The following NCOR1 variants were observed in gnomAD, a reference collection of about 807,000 sequenced individuals.
The protein encoded by NCOR1 is nuclear receptor corepressor 1, also known as protein phosphatase 1, regulatory subunit 109.
A neutral mutation model predicts 288.1 loss-of-function variants in NCOR1; 63 were observed. That is an observed-to-expected ratio of 0.22 (90% CI 0.18 to 0.27). NCOR1 has a LOEUF of 0.27. Among genes scored for constraint, NCOR1 ranks in the 10% least tolerant of loss-of-function variants. The pLI, the probability that NCOR1 is intolerant of heterozygous loss-of-function variation, is 1.00. For missense variants in NCOR1, 2,397 were observed against 3,019.2 expected (o/e 0.79, Z 4.83); for synonymous variants, 1,007 against 1,065.9 (o/e 0.94, Z 1.08).
At chr17:16,089,931 G>A (rs1220416079) in intron 22 of NCOR1, among the ~76,000 whole-genome samples, 1 of 152,114 alleles carries the variant, frequency 6.6e-6, no homozygotes, top group Non-Finnish European at 1.5e-5. Context: ...CTACTTTGTA[G>A]AGCATCACCT....
chr17:16,179,945 G>A (rs1184319794), intron 3 of NCOR1, among the ~76,000 whole-genome samples: 12 of 127,186 alleles, frequency 9.4e-5, no homozygotes, highest in East Asian at 2.3e-4. Flanking sequence ...GCAACAGAGC[G>A]AGACTCTGTC....
intron 35 of NCOR1, 104 bp from the exon 36 acceptor site, chr17:16,062,374 A>AAAATACCT: frequency 8.9e-7 from 1 of 1,120,810 alleles, no homozygotes; most frequent in Non-Finnish European, 1.2e-6. Context: ...ACCTAAATAG[A>AAAATACCT]AAAAAGAAAA....
intron 44 of NCOR1, among the ~76,000 whole-genome samples, chr17:16,038,005 C>T (rs926622237): frequency 3.3e-5 from 5 of 152,164 alleles, no homozygotes; most frequent in African/African-American, 1.2e-4. Flanking sequence ...AACACACACA[C>T]TTAAAGCCAA....
chr17:16,044,168 C>CA (rs34691717), intron 42 of NCOR1, among the ~76,000 whole-genome samples: 40,221 of 82,508 alleles, frequency 0.49, 8,553 homozygotes, highest in Middle Eastern at 0.62. Context: ...GACTCCATCT[C>CA]AAAAAAAAAA....
At chr17:16,038,502 T>C (rs182971380) in intron 44 of NCOR1, among the ~76,000 whole-genome samples, 14 of 152,156 alleles carry the variant, frequency 9.2e-5, no homozygotes, top group South Asian at 2.1e-4. Flanking sequence ...AGTGGTGCAA[T>C]TGCAGCTCAC....
chr17:16,073,516 T>A lies in NCOR1; in HGVS notation c.3724A>T (p.Ser1242Cys), dbSNP rs375656232. ...ACTGATTCATAGCTTCTCTTTAAAC[T>A]GATTTCATGAGCTGTTCTTGGACTC... ...TRSPRTAHEI[S>C]LKRSYESVEG... is the part of the protein sequence containing the mutation. The change falls in exon 28 of 46, where the codon AGT becomes TGT. Residue 1242 changes from serine (S) to cysteine (C), a missense_variant. This residue lies in a region of NCOR1 where 1,872 missense variants were observed against 2,187.8 expected (regional missense o/e 0.86). Coordinates refer to ENST00000268712, the MANE Select transcript of NCOR1 (RefSeq NM_006311.4). 1.2e-6 allele frequency: 2 copies of A among 1,612,250 alleles called. No individual in the cohort carries two copies. Among genetic ancestry groups the A allele is most frequent in the African/African-American group, 2.7e-5 (2 of 75,016 alleles).
At chr17:16,189,328 A>T (rs890154485) in intron 2 of NCOR1, among the ~76,000 whole-genome samples, 3 of 152,172 alleles carry the variant, frequency 2.0e-5, no homozygotes, top group African/African-American at 7.2e-5. Flanking sequence ...CAGGAGGTGG[A>T]GGTTGCAATG....
intron 18 of NCOR1, among the ~76,000 whole-genome samples, chr17:16,111,144 G>T (rs1189531052): frequency 6.6e-6 from 1 of 152,032 alleles, no homozygotes; most frequent in Non-Finnish European, 1.5e-5. Context: ...CATTCTGTTT[G>T]GTCCTTTCAC....
intron 3 of NCOR1, among the ~76,000 whole-genome samples, chr17:16,176,208 A>C (rs1001680075): frequency 2.0e-5 from 3 of 152,158 alleles, no homozygotes; most frequent in Non-Finnish European, 4.4e-5. Context: ...AACAAGAGCA[A>C]AACTCCATCT....
intron 22 of NCOR1, among the ~76,000 whole-genome samples, chr17:16,089,136 T>C (rs1245115200): frequency 6.6e-6 from 1 of 151,840 alleles, no homozygotes; most frequent in Non-Finnish European, 1.5e-5. Flanking sequence ...TTTTTTTTTT[T>C]TTTAAATGAT....
chr17:16,099,798 T>C (rs73981450), intron 20 of NCOR1, among the ~76,000 whole-genome samples: 7,531 of 152,232 alleles, frequency 0.049, 224 homozygotes, highest in African/African-American at 0.092. Flanking sequence ...AGAGTGATAG[T>C]CAAATTTTCT....
rs557813338 is a variant in NCOR1 at position 16,086,385 on chromosome 17, G to C, written c.3074C>G (p.Pro1025Arg). 6.8e-6 allele frequency: 11 copies of C among 1,613,944 alleles called. No individual in the cohort carries two copies. Among genetic ancestry groups the C allele is most frequent in the South Asian group, 1.1e-5 (1 of 91,084 alleles). ...ITNLPEGVRL[P>R]TTRPTRPPPP... ...CGGTGGCCTGGTTGGTCGAGTTGTC[G>C]GAAGCCGAACGCCTTCAGGGAGATT... The change falls in exon 23 of 46, where the codon CCG becomes CGG. Residue 1025 changes from proline (P) to arginine (R), a missense_variant. Pro to Arg is a moderately radical substitution (Grantham distance 103, BLOSUM62 -2). Around this residue, in one of 11 missense-constraint regions of NCOR1, gnomAD observed 1,872 missense variants for 2,187.8 expected, o/e 0.86. Coordinates refer to ENST00000268712, the MANE Select transcript of NCOR1 (RefSeq NM_006311.4).
chr17:16,124,796 T>A (rs1266272923), intron 15 of NCOR1, among the ~76,000 whole-genome samples: 1 of 152,190 alleles, frequency 6.6e-6, no homozygotes, highest in South Asian at 2.1e-4. Flanking sequence ...AAAGCTGGAA[T>A]CTAAAATATA....
chr17:16,205,983 T>TA (rs2091457349), intron 1 of NCOR1, among the ~76,000 whole-genome samples: 1 of 151,164 alleles, frequency 6.6e-6, no homozygotes, highest in Non-Finnish European at 1.5e-5. Context: ...CTCCCCATAG[T>TA]AAAAAATGTT....
rs1454838259 is a variant in NCOR1, at chr17:16,030,514, A to G, written c.*1782T>C. ...ACCTGAAAAAAAAAAATTCAGCAGA[A>G]AACTGTGAAGTGGAACATTTAGTCA... On this transcript the variant is annotated 3_prime_UTR_variant, in exon 46 of 46. Transcript: ENST00000268712. 5.1e-6 allele frequency: 1 copy of G among 196,816 alleles called. No homozygotes were observed. The highest frequency in any genetic ancestry group is 2.3e-5 in the African/African-American group (1 of 43,280). The allele number at this position is 196,816 out of a possible 1,614,324, so 12.2% of individuals were successfully genotyped here. A position where few individuals can be genotyped will look rare whatever the true frequency, so the allele number is the denominator to read the frequency against.
rs1245968207 is a variant in NCOR1 at position 16,119,473 on chromosome 17, G to A, written c.1865C>T (p.Pro622Leu). The change falls in exon 17 of 46, where the codon CCT becomes CTT. Residue 622 changes from proline (P) to leucine (L), a missense_variant. Pro to Leu is a moderately conservative substitution (Grantham distance 98). Transcript: ENST00000268712. ...PPPPEPISTE[P>L]VETSRWTEEE... Reference sequence around the variant, plus strand: ...TTCTGTCCATCGAGAGGTCTCCACAGGCTCTGTAGAAACTAAAATAAAGAG... The same window carrying A: ...TTCTGTCCATCGAGAGGTCTCCACAAGCTCTGTAGAAACTAAAATAAAGAG... 2 of 1,605,214 alleles carry A rather than the reference G, an allele frequency of 1.2e-6. No individual in the cohort carries two copies. The highest frequency in any genetic ancestry group is 1.7e-6 in the Non-Finnish European group (2 of 1,176,310).
At chr17:16,059,078 AC>A (rs2060266885) in intron 37 of NCOR1, among the ~76,000 whole-genome samples, 2 of 145,344 alleles carry the variant, frequency 1.4e-5, no homozygotes, top group Admixed American at 1.4e-4. Flanking sequence ...AAAAAAAAAG[AC>A]ATGTTTTAAA....
In NCOR1 at chr17:16,035,395, CA is replaced by C. The variant is rs372155491; in HGVS notation, c.6956-452del. Among the ~76,000 whole-genome samples the C allele has an allele frequency of 2.0e-5, 3 of 152,224 alleles. No individual in the cohort carries two copies. In the East Asian group the frequency reaches 5.8e-4, roughly 29 times the overall value. ...ATTTCAGCCATGTTCACAGCATCTT[CA>C]GGGGCAGATTCAATCTCAAGAAACC... On this transcript the variant is annotated intron_variant, in intron 44 of 45. Transcript: ENST00000268712.
chr17:16,079,787 T>C (rs940637962), intron 26 of NCOR1, among the ~76,000 whole-genome samples, 177 bp downstream of exon 26: 7 of 152,238 alleles, frequency 4.6e-5, no homozygotes, highest in African/African-American at 1.7e-4. Flanking sequence ...ATATAGCTTG[T>C]AGTCAAAATG....
Sources: gnomAD v4.1 joint callset for allele counts (sites outside exome capture counted in the v4.1 genomes callset) on GRCh38, gnomAD v4.1.1 for gene constraint, gnomAD v4.1.1 regional missense constraint, MANE v1.5 for transcripts, NCBI Gene and HGNC (gene_info 2026-07-23, HGNC 2026-07-21) for gene names.